Variants in STX8 observed in about 807,000 individuals in gnomAD.
STX8 encodes syntaxin-8.
STX8 carries 23 observed loss-of-function variants against 37.5 expected under a neutral mutation model. The observed-to-expected ratio is 0.61, with a 90% CI of 0.44 to 0.87. The LOEUF is 0.87. STX8 is among the 40% of genes least tolerant of loss of function. The probability of loss-of-function intolerance (pLI) is 0.00; values close to 1 mark genes in which losing one functional copy is unlikely to be tolerated. For synonymous variants in STX8, 115 were observed against 99.1 expected (o/e 1.16, Z -0.95); for missense variants, 313 against 284.7 (o/e 1.10, Z -0.71).
At chr17:9,493,323 T>A (rs895953828) in intron 5 of STX8, among the ~76,000 whole-genome samples, 11 of 152,320 alleles carry the variant, frequency 7.2e-5, no homozygotes, top group African/African-American at 2.6e-4. Flanking sequence ...GCTGCTTGAA[T>A]ACTTTTTCCT....
intron 6 of STX8, among the ~76,000 whole-genome samples, chr17:9,379,734 C>T (rs111613002): frequency 0.011 from 1,671 of 152,054 alleles, 32 homozygotes; most frequent in African/African-American, 0.037. Flanking sequence ...TTTGGGAGGC[C>T]GAGGCAGGAG....
intron 6 of STX8, among the ~76,000 whole-genome samples, chr17:9,391,642 A>C (rs949556634): frequency 6.7e-6 from 1 of 149,648 alleles, no homozygotes; most frequent in Non-Finnish European, 1.5e-5. Context: ...CTGTAGCTTT[A>C]GAAAAACCTT....
At chr17:9,477,361 T>A (rs1906146639) in intron 6 of STX8, among the ~76,000 whole-genome samples, 1 of 152,096 alleles carries the variant, frequency 6.6e-6, no homozygotes, top group African/African-American at 2.4e-5. Flanking sequence ...AAGACTAAGA[T>A]GAATAAACCA....
intron 1 of STX8, 115 bp downstream of exon 1, chr17:9,575,677 C>T: frequency 7.8e-7 from 1 of 1,287,154 alleles, no homozygotes; most frequent in East Asian, 2.6e-5. Flanking sequence ...GTCTCGCTGC[C>T]CCTCCCCTCA....
chr17:9,546,467 G>A (rs1316368539), intron 3 of STX8, among the ~76,000 whole-genome samples: 1 of 88,786 alleles, frequency 1.1e-5, no homozygotes, highest in Non-Finnish European at 2.2e-5. Flanking sequence ...ATAGGTGGAC[G>A]AGAATGCGGC....
At chr17:9,537,751 ATAG>A (rs1906116687) in intron 4 of STX8, among the ~76,000 whole-genome samples, 1 of 152,250 alleles carries the variant, frequency 6.6e-6, no homozygotes, top group African/African-American at 2.4e-5. Flanking sequence ...TATTTAAAAT[ATAG>A]ATCAAGAGAC....
intron 4 of STX8, among the ~76,000 whole-genome samples, chr17:9,518,856 G>A (rs1454622828): frequency 6.9e-6 from 1 of 144,500 alleles, no homozygotes; most frequent in Non-Finnish European, 1.5e-5. Flanking sequence ...GCGGCAGAGC[G>A]AGACTCCGTC....
chr17:9,251,611 G>A (rs899127762), intron 7 of STX8, among the ~76,000 whole-genome samples: 3 of 152,210 alleles, frequency 2.0e-5, no homozygotes, highest in African/African-American at 7.2e-5. Flanking sequence ...CGTGTGCAGG[G>A]TCACATGGTT....
At chr17:9,493,961 T>C (rs954206483) in intron 5 of STX8, among the ~76,000 whole-genome samples, 3 of 151,628 alleles carry the variant, frequency 2.0e-5, no homozygotes, top group African/African-American at 7.3e-5. Flanking sequence ...TGTTTATCTA[T>C]ATTTTGATGT....
intron 6 of STX8, among the ~76,000 whole-genome samples, chr17:9,487,977 A>G (rs1010530625): frequency 1.3e-5 from 2 of 152,190 alleles, no homozygotes; most frequent in African/African-American, 4.8e-5. Context: ...GGGTGGCTTC[A>G]AAAACTACTG....
At chr17:9,533,792 A>G (rs1218975747) in intron 4 of STX8, among the ~76,000 whole-genome samples, 1 of 152,214 alleles carries the variant, frequency 6.6e-6, no homozygotes, top group Non-Finnish European at 1.5e-5. Flanking sequence ...AAGGGTTGAT[A>G]CAGACACTAC....
intron 6 of STX8, among the ~76,000 whole-genome samples, chr17:9,488,188 T>C (rs1307006858): frequency 6.6e-6 from 1 of 152,020 alleles, no homozygotes; most frequent in Non-Finnish European, 1.5e-5. Flanking sequence ...TAGCTGGGCA[T>C]GGTGGCAGGC....
Position 9,335,118 on chromosome 17 carries a change from C to T in STX8, c.643+43434G>A, listed in dbSNP as rs192641683. Among the ~76,000 whole-genome samples the T allele has an allele frequency of 8.7e-4, 133 of 152,242 alleles. 1 individual carries two copies. Among genetic ancestry groups the T allele is most frequent in the Middle Eastern group, 3.4e-3 (1 of 294 alleles). On this transcript the variant is annotated intron_variant, in intron 7 of 7. Coordinates refer to ENST00000306357, the MANE Select transcript of STX8 (RefSeq NM_004853.3). ...ATTCACCCCACCACTCTGACTCATA[C>T]CCCTGCTCTCTTTAAAATAGCCAAT...
intron 7 of STX8, among the ~76,000 whole-genome samples, chr17:9,252,202 T>C (rs1181727444): frequency 1.3e-5 from 2 of 151,456 alleles, no homozygotes; most frequent in African/African-American, 4.9e-5. Context: ...CCCAGCACTT[T>C]GGGAGGCCGA....
chr17:9,447,508 G>C (rs911772418), intron 6 of STX8, among the ~76,000 whole-genome samples: 2 of 152,026 alleles, frequency 1.3e-5, no homozygotes, highest in Non-Finnish European at 2.9e-5. Flanking sequence ...CTGCAACCTC[G>C]GCCTCCCGAG....
At chr17:9,355,589 G>A (rs186123224) in intron 7 of STX8, among the ~76,000 whole-genome samples, 21 of 147,410 alleles carry the variant, frequency 1.4e-4, no homozygotes, top group East Asian at 1.0e-3. Flanking sequence ...TGCAACCTCC[G>A]CCTCCCGAGT....
rs973003599 is a variant in STX8 at position 9,507,852 on chromosome 17, C to G, written c.324-2690G>C. On this transcript the variant is annotated intron_variant, in intron 4 of 7. Transcript: ENST00000306357. The surrounding 1 kb of genome is among the most constrained non-coding windows in gnomAD (Gnocchi z 4.0). ...TTAAAGAAACTACACAAAAACTACA[C>G]TACTATGCCCACCTGGAACCAAAGC... Among the ~76,000 whole-genome samples the G allele has an allele frequency of 6.6e-6, 1 of 152,160 alleles. No individual in the cohort carries two copies. Among genetic ancestry groups the G allele is most frequent in the Admixed American group, 6.5e-5 (1 of 15,282 alleles).
At chr17:9,452,962 C>T (rs568057061) in intron 6 of STX8, among the ~76,000 whole-genome samples, 127 of 151,998 alleles carry the variant, frequency 8.4e-4, no homozygotes, top group Non-Finnish European at 6.6e-4. Flanking sequence ...CCCACCACCA[C>T]GCCCAGCTAA....
At chr17:9,420,233 C>T (rs898275723) in intron 6 of STX8, among the ~76,000 whole-genome samples, 15 of 152,342 alleles carry the variant, frequency 9.8e-5, no homozygotes, top group Admixed American at 6.5e-4. Flanking sequence ...TATTCAACAT[C>T]GGCCGCCAGG....
Sources: allele counts gnomAD v4.1 joint callset (sites outside exome capture counted in the v4.1 genomes callset), GRCh38; gene constraint gnomAD v4.1.1; non-coding constraint Gnocchi (gnomAD v3.1); transcripts MANE v1.5; gene names NCBI Gene and HGNC (gene_info 2026-07-23, HGNC 2026-07-21).